FAM117A: variants seen among roughly 807,000 people sequenced by gnomAD.
FAM117A encodes the protein family with sequence similarity 117 member A, also known as protein FAM117A.
In FAM117A, 21 loss-of-function variants were observed where a neutral mutation model predicts 44.1. The ratio of observed to expected loss-of-function variants is 0.48; its 90% CI spans 0.34 to 0.69. The LOEUF is 0.69. Among genes scored for constraint, FAM117A ranks in the 30% least tolerant of loss-of-function variants. The pLI is 0.01. For synonymous variants in FAM117A, 220 were observed against 238.3 expected (o/e 0.92, Z 0.71); for missense variants, 498 against 589.9 (o/e 0.84, Z 1.61).
intron 1 of FAM117A, among the ~76,000 whole-genome samples, chr17:49,770,269 CA>C (rs57966452): frequency 0.059 from 4,138 of 69,734 alleles, 117 homozygotes; most frequent in African/African-American, 0.19. Flanking sequence ...GACTCTGTAT[CA>C]AAAAAAAAAA....
chr17:49,716,151 C>A lies in FAM117A; in HGVS notation c.1061+14G>T. On this transcript the variant is annotated intron_variant, in intron 7 of 7. Transcript: ENST00000240364. ...ACCCTCCCCTCCCACACCCTGTCCA[C>A]TTGGTGTACTCACGTGGCTTCTTCA... 8.7e-6 allele frequency: 14 copies of A among 1,602,700 alleles called. No homozygotes were observed. The highest frequency in any genetic ancestry group is 1.2e-5 in the Non-Finnish European group (14 of 1,173,468).
rs1250277662 is a variant in FAM117A at position 49,729,840 on chromosome 17, G to C, written c.366+2711C>G. Among the ~76,000 whole-genome samples, 3 of 152,082 alleles carry C rather than the reference G, an allele frequency of 2.0e-5. No homozygotes were observed. The East Asian group carries it at 5.8e-4, about 29-fold the overall frequency. On this transcript the variant is annotated intron_variant, in intron 2 of 7. Coordinates refer to ENST00000240364, the MANE Select transcript of FAM117A (RefSeq NM_030802.4). Reference sequence around the variant, plus strand: ...TTTTTAACAGCTTAAAAGCTTTCAAGGACTTTGGTAGATCCTGCCACCCTC... The same window carrying C: ...TTTTTAACAGCTTAAAAGCTTTCAACGACTTTGGTAGATCCTGCCACCCTC...
intron 1 of FAM117A, among the ~76,000 whole-genome samples, chr17:49,781,632 C>G (rs1555599555): frequency 6.6e-6 from 1 of 152,120 alleles, no homozygotes; most frequent in Non-Finnish European, 1.5e-5. Flanking sequence ...AGTATAGTTA[C>G]AATTATGAGG....
intron 1 of FAM117A, among the ~76,000 whole-genome samples, chr17:49,741,136 TGA>T (rs1211286676): frequency 6.8e-6 from 1 of 147,324 alleles, no homozygotes; most frequent in Non-Finnish European, 1.5e-5. Flanking sequence ...AGAAGGAAAA[TGA>T]GAGAGGCAGC....
chr17:49,715,785 T>C (rs1276536319), intron 7 of FAM117A, among the ~76,000 whole-genome samples: 1 of 152,104 alleles, frequency 6.6e-6, no homozygotes. Flanking sequence ...GAAATACTAA[T>C]ATGTTCTCCC....
intron 1 of FAM117A, among the ~76,000 whole-genome samples, chr17:49,785,209 C>A (rs561771516): frequency 5.3e-5 from 8 of 152,162 alleles, no homozygotes; most frequent in Non-Finnish European, 8.8e-5. Flanking sequence ...AACTGAGACA[C>A]AAACAAATTT....
intron 1 of FAM117A, among the ~76,000 whole-genome samples, chr17:49,733,202 C>T (rs2073593886): frequency 6.6e-6 from 1 of 152,242 alleles, no homozygotes; most frequent in Non-Finnish European, 1.5e-5. Flanking sequence ...AAGACCTCCT[C>T]TTCCTCTTCA....
At chr17:49,724,297 G>T in intron 2 of FAM117A, 1 of 453,834 alleles carries the variant, frequency 2.2e-6, no homozygotes, top group South Asian at 1.5e-5. Context: ...ACACAAACCT[G>T]TTGTCCCTGG....
intron 1 of FAM117A, among the ~76,000 whole-genome samples, chr17:49,769,704 C>CAAAA (rs1273932068): frequency 1.3e-5 from 2 of 149,938 alleles, no homozygotes; most frequent in Non-Finnish European, 3.0e-5. Flanking sequence ...AACTCCGTCT[C>CAAAA]AAAAAATAAA....
chr17:49,776,124 C>T (rs1421443722), intron 1 of FAM117A, among the ~76,000 whole-genome samples: 1 of 152,202 alleles, frequency 6.6e-6, no homozygotes, highest in Non-Finnish European at 1.5e-5. Flanking sequence ...TGTGCCCCTG[C>T]TTCACAGCAC....
Position 49,711,156 on chromosome 17 carries a change from G to T in FAM117A, c.*99C>A. 8.2e-7 allele frequency: 1 copy of T among 1,226,544 alleles called. No individual in the cohort carries two copies. The highest frequency in any genetic ancestry group is 1.1e-6 in the Non-Finnish European group (1 of 888,216). 76.0% of individuals were successfully genotyped at this position (1,226,544 alleles called of 1,614,324 possible). ...GTGAAAGAAAGTGCTCGAAGGCCGA[G>T]AGGGAAGGGCCCCTCCATACCCCAT... On this transcript the variant is annotated 3_prime_UTR_variant, in exon 8 of 8. Coordinates refer to ENST00000240364, the MANE Select transcript of FAM117A (RefSeq NM_030802.4).
intron 5 of FAM117A, 74 bp downstream of exon 5, chr17:49,719,686 G>C: frequency 6.8e-7 from 1 of 1,464,740 alleles, no homozygotes; most frequent in Middle Eastern, 2.2e-4. Flanking sequence ...CAGAGAGCAG[G>C]ACTCCCAGTT....
At chr17:49,732,442 A>G in intron 2 of FAM117A, 109 bp downstream of exon 2, 3 of 1,092,174 alleles carry the variant, frequency 2.7e-6, no homozygotes, top group Non-Finnish European at 4.0e-6. Flanking sequence ...ATGTACGACC[A>G]AAACCCAAGA....
chr17:49,769,569 G>A (rs966884302), intron 1 of FAM117A, among the ~76,000 whole-genome samples: 10 of 151,100 alleles, frequency 6.6e-5, no homozygotes, highest in East Asian at 2.0e-4. Context: ...GCATGGTGGC[G>A]GGCGCCTGTA....
At chr17:49,773,762 T>A (rs1772496859) in intron 1 of FAM117A, among the ~76,000 whole-genome samples, 1 of 152,128 alleles carries the variant, frequency 6.6e-6, no homozygotes, top group Admixed American at 6.5e-5. Context: ...TAGCTTTTTT[T>A]TTTTTCTGGC....
intron 1 of FAM117A, among the ~76,000 whole-genome samples, chr17:49,773,913 C>T (rs910596709): frequency 6.6e-6 from 1 of 152,106 alleles, no homozygotes; most frequent in African/African-American, 2.4e-5. Flanking sequence ...GCCACCACGC[C>T]CAGCTAATTT....
At chr17:49,774,909 A>C (rs531961311) in intron 1 of FAM117A, among the ~76,000 whole-genome samples, 79 of 152,318 alleles carry the variant, frequency 5.2e-4, no homozygotes, top group African/African-American at 1.8e-3. Context: ...AATTATACAC[A>C]TAGAATTAGG....
intron 4 of FAM117A, 173 bp from the exon 5 acceptor site, chr17:49,720,067 T>C (rs2073526212): frequency 1.1e-6 from 1 of 904,692 alleles, no homozygotes. Flanking sequence ...TCTCCAAAAG[T>C]TTGAGCTTTG....
rs139394773 is a variant in FAM117A at position 49,719,446 on chromosome 17, G to A, written c.708+314C>T. On this transcript the variant is annotated intron_variant, in intron 5 of 7. Transcript: ENST00000240364. ...GCGCCCATGCCGGTGCCGAGCACACGGGGAACAGTGAGAACTGGCAGTTTG... is the reference window on the plus strand; with the variant it reads ...GCGCCCATGCCGGTGCCGAGCACACAGGGAACAGTGAGAACTGGCAGTTTG... Among the ~76,000 whole-genome samples, 20 of 152,302 alleles carry A rather than the reference G, an allele frequency of 1.3e-4. No individual in the cohort carries two copies. In the East Asian group the frequency reaches 3.7e-3, roughly 28 times the overall value.
Sources: allele counts gnomAD v4.1 joint callset (sites outside exome capture counted in the v4.1 genomes callset), GRCh38; gene constraint gnomAD v4.1.1; transcripts MANE v1.5; gene names NCBI Gene and HGNC (gene_info 2026-07-23, HGNC 2026-07-21).